Variants in ATE1 observed in about 807,000 individuals in gnomAD.
ATE1 encodes arginyl-tRNA--protein transferase 1.
A neutral mutation model predicts 70.5 loss-of-function variants in ATE1; 36 were observed. The ratio of observed to expected loss-of-function variants is 0.51; its 90% CI spans 0.39 to 0.67. The LOEUF (loss-of-function observed/expected upper bound fraction) is 0.67, where lower values mean the gene tolerates loss of function less well. Ranked by LOEUF, ATE1 falls within the 30% of genes least tolerant of loss-of-function variation. The pLI is 0.00. For missense variants in ATE1, 593 were observed against 629.5 expected, an observed-to-expected ratio of 0.94 and a Z score of 0.62; for synonymous variants, 232 against 219.3, an observed-to-expected ratio of 1.06 and a Z score of -0.51.
At chr10:121,829,714 AAAAG>A (rs1948163270) in intron 10 of ATE1, among the ~76,000 whole-genome samples, 1 of 152,104 alleles carries the variant, frequency 6.6e-6, no homozygotes, top group South Asian at 2.1e-4. Flanking sequence ...GTCTCAAAAA[AAAAG>A]AAAAAAAAAA....
Position 121,922,356 on chromosome 10 carries a change from T to G in ATE1, c.226A>C (p.Thr76Pro). 1 of 1,589,592 alleles carries G rather than the reference T, an allele frequency of 6.3e-7. No homozygotes were observed. The highest frequency in any genetic ancestry group is 8.6e-7 in the Non-Finnish European group (1 of 1,160,348). ...VMNQTCCPQY[T>P]IRCRPLQFQP... ...ACTAATTAAAATTCTTACCTTATTGTGTACTGAGGACAACATGTTTGATTC... is the reference window on the plus strand; with the variant it reads ...ACTAATTAAAATTCTTACCTTATTGGGTACTGAGGACAACATGTTTGATTC... Residue 76 changes from threonine (T) to proline (P), a missense_variant, in exon 3 of 12, where the codon ACA (threonine) becomes CCA (proline). Physicochemically the swap from Thr to Pro is conservative, Grantham distance 38. Transcript: ENST00000224652.
intron 10 of ATE1, among the ~76,000 whole-genome samples, chr10:121,830,570 A>C (rs1172585233): frequency 6.6e-6 from 1 of 152,184 alleles, no homozygotes; most frequent in Non-Finnish European, 1.5e-5. Context: ...CTGTTATATA[A>C]ATACAGAAAG....
chr10:121,881,942 C>T (rs1414908230), intron 7 of ATE1, among the ~76,000 whole-genome samples: 2 of 152,094 alleles, frequency 1.3e-5, no homozygotes, highest in African/African-American at 2.4e-5. Context: ...TACAGGTGCA[C>T]GTCGCCAAAC....
intron 7 of ATE1, among the ~76,000 whole-genome samples, chr10:121,875,056 G>A (rs1240275439): frequency 2.7e-5 from 4 of 147,162 alleles, no homozygotes; most frequent in African/African-American, 1.0e-4. Flanking sequence ...GGAGAATGGC[G>A]TGAACCCAGG....
In ATE1 at chr10:121,786,591, C is replaced by A. The variant is rs547831124; in HGVS notation, c.1378+3578G>T. Among the ~76,000 whole-genome samples, 3 of 152,008 alleles carry A rather than the reference C, an allele frequency of 2.0e-5. No homozygotes were observed. The South Asian group carries it at 6.3e-4, about 32-fold the overall frequency. ...GACTGAGGCGGGAGGATCGTTTGAG[C>A]CCTGGAGGCAGAGGCTGCAGTGAGC... On this transcript the variant is annotated intron_variant, in intron 11 of 11. Coordinates refer to ENST00000224652, the MANE Select transcript of ATE1 (RefSeq NM_001001976.3).
At chr10:121,909,116 G>C (rs567131461) in intron 5 of ATE1, among the ~76,000 whole-genome samples, 1 of 152,122 alleles carries the variant, frequency 6.6e-6, no homozygotes, top group Admixed American at 6.6e-5. Flanking sequence ...AGCCTCCCAA[G>C]TAGCTGGGAC....
chr10:121,919,883 G>GC (rs1951811822), intron 3 of ATE1, among the ~76,000 whole-genome samples: 1 of 151,974 alleles, frequency 6.6e-6, no homozygotes, highest in Non-Finnish European at 1.5e-5. Context: ...GGGTGACACA[G>GC]CAAGACTCAG....
intron 3 of ATE1, among the ~76,000 whole-genome samples, chr10:121,919,058 C>G (rs1464398765): frequency 6.6e-6 from 1 of 151,798 alleles, no homozygotes; most frequent in Non-Finnish European, 1.5e-5. Context: ...GACCAATCAG[C>G]AGGACATGGG....
intron 8 of ATE1, among the ~76,000 whole-genome samples, chr10:121,859,579 G>A (rs1434010755): frequency 6.6e-6 from 1 of 152,114 alleles, no homozygotes; most frequent in African/African-American, 2.4e-5. Context: ...TAATTAATAT[G>A]ATGGTTCAGG....
At chr10:121,745,540 C>T (rs187736294) in intron 11 of ATE1, among the ~76,000 whole-genome samples, 1 of 152,070 alleles carries the variant, frequency 6.6e-6, no homozygotes, top group East Asian at 1.9e-4. Flanking sequence ...CACGGTGAAA[C>T]CCCGTCTCTA....
intron 8 of ATE1, among the ~76,000 whole-genome samples, chr10:121,854,266 T>C (rs1446759614): frequency 6.6e-6 from 1 of 152,210 alleles, no homozygotes; most frequent in Non-Finnish European, 1.5e-5. Context: ...CTCATCTCAT[T>C]CACATGCATA....
chr10:121,877,212 C>T (rs1299360459), intron 7 of ATE1, among the ~76,000 whole-genome samples: 2 of 151,992 alleles, frequency 1.3e-5, no homozygotes, highest in African/African-American at 2.4e-5. Flanking sequence ...ATGTTAATTG[C>T]ATTAAATAAA....
rs146965730 is a variant in ATE1, at chr10:121,859,587, A to G, written c.975+10419T>C. Among the ~76,000 whole-genome samples, 1,433 of 152,310 alleles carry G rather than the reference A, an allele frequency of 9.4e-3. 12 individuals carry two copies. Among genetic ancestry groups the G allele is most frequent in the Non-Finnish European group, 0.014 (968 of 68,024 alleles). Reference sequence around the variant, plus strand: ...AGAGATGTAATTAATATGATGGTTCAGGCCATATTAAGGGCAAAAGTAAGA... The same window carrying G: ...AGAGATGTAATTAATATGATGGTTCGGGCCATATTAAGGGCAAAAGTAAGA... On this transcript the variant is annotated intron_variant, in intron 8 of 11. Coordinates refer to ENST00000224652, the MANE Select transcript of ATE1 (RefSeq NM_001001976.3).
rs146243876 is a variant in ATE1, at chr10:121,848,333, T to G, written c.976-7070A>C. Among the ~76,000 whole-genome samples, 1,130 of 151,280 alleles carry G rather than the reference T, an allele frequency of 7.5e-3. 25 individuals carry two copies. The highest frequency in any genetic ancestry group is 0.026 in the African/African-American group (1,071 of 40,934). ...ATTCATTCATTAAAAAACTTATTTATCGGCTGGGTGTGGTGGCTCATGCGT... is the reference window on the plus strand; with the variant it reads ...ATTCATTCATTAAAAAACTTATTTAGCGGCTGGGTGTGGTGGCTCATGCGT... On this transcript the variant is annotated intron_variant, in intron 8 of 11. Transcript: ENST00000224652.
intron 4 of ATE1, 52 bp downstream of exon 4, chr10:121,913,738 G>A (rs1259442972): frequency 7.9e-7 from 1 of 1,262,894 alleles, no homozygotes; most frequent in African/African-American, 1.5e-5. Flanking sequence ...ACTGAAAGTG[G>A]GACCGTTGCA....
rs1944139052 is a variant in ATE1 at position 121,741,294 on chromosome 10, CACTTTGACT to C, written c.*2377_*2385del. ...AGGACAAATAGGTGTCCTTTTAAGA[CACTTTGACT>C]ACTTGGATCAATACACTAGCTATTC... On this transcript the variant is annotated 3_prime_UTR_variant, in exon 12 of 12. Transcript: ENST00000224652. 1 of 152,162 alleles carries C rather than the reference CACTTTGACT, an allele frequency of 6.6e-6. No homozygotes were observed. Among genetic ancestry groups the C allele is most frequent in the African/African-American group, 2.4e-5 (1 of 41,444 alleles). 9.4% of individuals were successfully genotyped at this position (152,162 alleles called of 1,614,324 possible).
intron 11 of ATE1, among the ~76,000 whole-genome samples, chr10:121,755,831 T>C (rs1351557141): frequency 6.6e-6 from 1 of 152,206 alleles, no homozygotes; most frequent in Non-Finnish European, 1.5e-5. Context: ...ATGGGAATTA[T>C]GGGAGCTACA....
At chr10:121,890,793 T>C (rs1370567625) in intron 7 of ATE1, among the ~76,000 whole-genome samples, 1 of 152,190 alleles carries the variant, frequency 6.6e-6, no homozygotes, top group East Asian at 1.9e-4. Flanking sequence ...ATAAAGATTC[T>C]TAAAAGTTAG....
At chr10:121,802,671 C>T (rs373551300) in intron 10 of ATE1, among the ~76,000 whole-genome samples, 6 of 152,132 alleles carry the variant, frequency 3.9e-5, no homozygotes, top group Admixed American at 1.3e-4. Context: ...AGCTTTCCTT[C>T]GACTCTGCTT....
Sources: gnomAD v4.1 joint callset for allele counts (sites outside exome capture counted in the v4.1 genomes callset) on GRCh38, gnomAD v4.1.1 for gene constraint, MANE v1.5 for transcripts, NCBI Gene and HGNC (gene_info 2026-07-23, HGNC 2026-07-21) for gene names.